The following PHACTR1 variants were observed in gnomAD, a reference collection of about 807,000 sequenced individuals.
PHACTR1 encodes phosphatase and actin regulator 1, also known as RPEL repeat containing 1.
PHACTR1 carries 16 observed loss-of-function variants against 69.2 expected under a neutral mutation model. That is an observed-to-expected ratio of 0.23 (90% CI 0.16 to 0.35). The LOEUF (loss-of-function observed/expected upper bound fraction) is 0.35. Ranked by LOEUF, PHACTR1 falls within the 10% of genes least tolerant of loss-of-function variation. PHACTR1 has a pLI of 1.00. For synonymous variants in PHACTR1, 312 were observed against 284.5 expected, an observed-to-expected ratio of 1.10 and a Z score of -0.97; for missense variants, 510 against 734.7, an observed-to-expected ratio of 0.69 and a Z score of 3.54.
At chr6:12,825,387 A>G (rs1244429924) in intron 4 of PHACTR1, among the ~76,000 whole-genome samples, 1 of 151,634 alleles carries the variant, frequency 6.6e-6, no homozygotes, top group East Asian at 1.9e-4. Context: ...AGCTCTTACT[A>G]TTTCTTTTAT....
chr6:12,871,657 G>A (rs1291983063), intron 4 of PHACTR1, among the ~76,000 whole-genome samples: 3 of 152,146 alleles, frequency 2.0e-5, no homozygotes, highest in Non-Finnish European at 4.4e-5. Context: ...TCTAAGGTCT[G>A]ATTGCCCCCT....
chr6:13,019,380 T>TAGGCAAGGACCAGACA, intron 4 of PHACTR1, among the ~76,000 whole-genome samples: 1 of 152,352 alleles, frequency 6.6e-6, no homozygotes, highest in South Asian at 2.1e-4. Flanking sequence ...TGTTAGTGCC[T>TAGGCAAGGACCAGACA]AGGCAAGGAC....
intron 8 of PHACTR1, among the ~76,000 whole-genome samples, chr6:13,222,659 G>A (rs1024733264): frequency 1.3e-5 from 2 of 152,214 alleles, no homozygotes; most frequent in Non-Finnish European, 2.9e-5. Context: ...GATGCTCTAG[G>A]CCAGTGGCTC....
chr6:12,787,503 G>A (rs779921670), intron 4 of PHACTR1, among the ~76,000 whole-genome samples: 5 of 152,172 alleles, frequency 3.3e-5, no homozygotes, highest in Admixed American at 6.5e-5. Context: ...TGAGCAAATG[G>A]TTTCCCGGGA....
intron 4 of PHACTR1, among the ~76,000 whole-genome samples, chr6:12,817,058 C>T (rs1175196427): frequency 5.3e-5 from 8 of 152,090 alleles, no homozygotes; most frequent in African/African-American, 7.2e-5. Flanking sequence ...ATGCATGTAA[C>T]GGCAGGATTT....
intron 6 of PHACTR1, among the ~76,000 whole-genome samples, chr6:13,168,112 G>C (rs948439385): frequency 6.6e-6 from 1 of 152,164 alleles, no homozygotes; most frequent in African/African-American, 2.4e-5. Flanking sequence ...GTCTCACCTA[G>C]AAATGGCATT....
chr6:13,128,229 G>C (rs1459284496), intron 5 of PHACTR1, among the ~76,000 whole-genome samples: 3 of 148,726 alleles, frequency 2.0e-5, no homozygotes, highest in Non-Finnish European at 4.5e-5. Flanking sequence ...CTGGTAGTAT[G>C]ATAAAACAGT....
chr6:12,790,268 G>A (rs1048943732), intron 4 of PHACTR1, among the ~76,000 whole-genome samples: 1 of 152,022 alleles, frequency 6.6e-6, no homozygotes, highest in African/African-American at 2.4e-5. Flanking sequence ...CCTCTCTGAT[G>A]GCATTCCCTA....
At chr6:13,138,591 G>A (rs975254922) in intron 5 of PHACTR1, among the ~76,000 whole-genome samples, 1 of 152,294 alleles carries the variant, frequency 6.6e-6, no homozygotes, top group Non-Finnish European at 1.5e-5. Context: ...ACTGAATGTT[G>A]TAGTTCTTAC....
chr6:13,230,245 G>A, intron 10 of PHACTR1, 52 bp downstream of exon 10: 1 of 1,572,452 alleles, frequency 6.4e-7, no homozygotes, highest in African/African-American at 1.4e-5. Context: ...TAGCTCTCCA[G>A]GTTCTAGCAA....
intron 5 of PHACTR1, among the ~76,000 whole-genome samples, chr6:13,140,713 C>T (rs535873106): frequency 1.3e-5 from 2 of 152,198 alleles, no homozygotes; most frequent in South Asian, 4.2e-4. Context: ...GATGGTTGCA[C>T]AATGATGTGA....
intron 4 of PHACTR1, among the ~76,000 whole-genome samples, chr6:12,754,984 A>G (rs370032385): frequency 7.9e-5 from 12 of 152,234 alleles, no homozygotes; most frequent in African/African-American, 2.6e-4. Context: ...AACCAATCTC[A>G]TGGTTACCAA....
chr6:13,283,653 C>A lies in PHACTR1; in HGVS notation c.1650+91C>A. ...GCTGGGGAGCGTGTAGGGAGACCTGCAGCCAGGCCTCAGCCGCAGTCCCCA... is the reference window on the plus strand; with the variant it reads ...GCTGGGGAGCGTGTAGGGAGACCTGAAGCCAGGCCTCAGCCGCAGTCCCCA... On this transcript the variant is annotated intron_variant, in intron 13 of 14. Transcript: ENST00000332995. The surrounding 1 kb of genome is among the most constrained non-coding windows in gnomAD (Gnocchi z 4.7). The A allele has an allele frequency of 6.3e-7, 1 of 1,583,312 alleles. No homozygotes were observed. Among genetic ancestry groups the A allele is most frequent in the Non-Finnish European group, 8.6e-7 (1 of 1,156,588 alleles).
chr6:13,031,269 A>G (rs1802415925), intron 4 of PHACTR1, among the ~76,000 whole-genome samples: 2 of 152,246 alleles, frequency 1.3e-5, no homozygotes, highest in South Asian at 4.1e-4. Context: ...ATTTTTTTCA[A>G]TTTGAAAATA....
At chr6:13,233,880 C>A (rs989631969) in intron 10 of PHACTR1, among the ~76,000 whole-genome samples, 2 of 152,206 alleles carry the variant, frequency 1.3e-5, no homozygotes, top group Non-Finnish European at 2.9e-5. Flanking sequence ...TTCACTCTTT[C>A]AACTAGGGAG....
chr6:13,044,669 A>G (rs1804740102), intron 4 of PHACTR1, among the ~76,000 whole-genome samples: 1 of 151,998 alleles, frequency 6.6e-6, no homozygotes, highest in African/African-American at 2.4e-5. Flanking sequence ...GCCAGAAAGA[A>G]CTCACCTCCA....
At chr6:13,126,278 GT>G (rs1641337958) in intron 5 of PHACTR1, among the ~76,000 whole-genome samples, 1 of 152,092 alleles carries the variant, frequency 6.6e-6, no homozygotes, top group Non-Finnish European at 1.5e-5. Context: ...TACCTAGTAC[GT>G]GCCAAATAAA....
At chr6:12,823,040 C>A (rs907341456) in intron 4 of PHACTR1, among the ~76,000 whole-genome samples, 1 of 152,170 alleles carries the variant, frequency 6.6e-6, no homozygotes, top group Non-Finnish European at 1.5e-5. Context: ...TTAATAGGCA[C>A]CTTGGCTTCT....
rs1769353610 is a variant in PHACTR1 at position 13,224,988 on chromosome 6, AAG to A, written c.987-2823_987-2822del. Among the ~76,000 whole-genome samples the A allele has an allele frequency of 2.0e-5, 3 of 152,296 alleles. No individual in the cohort carries two copies. The East Asian group carries it at 5.8e-4, about 29-fold the overall frequency. On this transcript the variant is annotated intron_variant, in intron 8 of 14. Transcript: ENST00000332995. ...GCCCTACAATTTGGCCAATGTCAAGAAGAGAGTAAGTGGCAAAACGTGGACTC... is the reference window on the plus strand; with the variant it reads ...GCCCTACAATTTGGCCAATGTCAAGAAGAGTAAGTGGCAAAACGTGGACTC...
Sources: gnomAD v4.1 joint callset for allele counts (sites outside exome capture counted in the v4.1 genomes callset) on GRCh38, gnomAD v4.1.1 for gene constraint, Gnocchi (gnomAD v3.1) non-coding constraint, MANE v1.5 for transcripts, NCBI Gene and HGNC (gene_info 2026-07-23, HGNC 2026-07-21) for gene names.